The following DMGDH variants were observed in gnomAD, a reference collection of about 807,000 sequenced individuals.
DMGDH encodes the protein dimethylglycine dehydrogenase, also known as dimethylglycine dehydrogenase, mitochondrial.
Under a neutral mutation model 95.2 loss-of-function variants are expected in DMGDH, and 76 were observed. The ratio of observed to expected loss-of-function variants is 0.80; its 90% CI spans 0.66 to 0.97. The LOEUF (loss-of-function observed/expected upper bound fraction) is 0.97, where lower values mean the gene tolerates loss of function less well. Among genes scored for constraint, DMGDH ranks in the 50% least tolerant of loss-of-function variants. The probability of loss-of-function intolerance (pLI) is 0.00; values close to 1 mark genes in which losing one functional copy is unlikely to be tolerated. For missense variants in DMGDH, 987 were observed against 1,055.0 expected (o/e 0.94, Z 0.89); for synonymous variants, 345 against 377.6 (o/e 0.91, Z 1.00).
Position 79,033,297 on chromosome 5 carries a change from C to T in DMGDH, c.1305G>A (p.Trp435Ter). 1.2e-6 allele frequency: 2 copies of T among 1,614,102 alleles called. No individual in the cohort carries two copies. The highest frequency in any genetic ancestry group is 1.7e-6 in the Non-Finnish European group (2 of 1,180,020). The part of the protein sequence containing the change: ...IELDPNRYGK[W>*]TTTQYTEAKA... ...TGGCCTCAGTGTACTGGGTTGTTGT[C>T]CATTTGCCATAGCGATTAGGATCCA... The change falls in exon 8 of 16, where the codon TGG becomes TGA. Residue 435 changes from tryptophan (W) to a stop codon, truncating the protein, a stop_gained. Transcript: ENST00000255189. LOFTEE classifies it high-confidence loss of function.
rs1370795641 is a variant in DMGDH at position 78,997,781 on chromosome 5, A to G, written c.*301T>C. ...TTATAAAATGTCCCTTAATTAGGTT[A>G]TAGTAATGATTGTGTATATTAGCAA... On this transcript the variant is annotated 3_prime_UTR_variant, in exon 16 of 16. Coordinates refer to ENST00000255189, the MANE Select transcript of DMGDH (RefSeq NM_013391.3). 5.9e-5 allele frequency: 21 copies of G among 356,562 alleles called. No individual in the cohort carries two copies. The East Asian group carries it at 1.3e-3, about 22-fold the overall frequency. The allele number at this position is 356,562 out of a possible 1,614,324, so 22.1% of individuals were successfully genotyped here. A position where few individuals can be genotyped will look rare whatever the true frequency, so the allele number is the denominator to read the frequency against.
At chr5:79,066,452 A>ATTTT (rs762509914) in intron 1 of DMGDH, among the ~76,000 whole-genome samples, 11 of 138,988 alleles carry the variant, frequency 7.9e-5, no homozygotes, top group Admixed American at 5.8e-4. Flanking sequence ...CGCCCGGCTA[A>ATTTT]TTTTTTTTTT....
At chr5:79,042,133 A>C (rs1754526092) in intron 7 of DMGDH, 150 bp downstream of exon 7, 1 of 752,324 alleles carries the variant, frequency 1.3e-6, no homozygotes, top group African/African-American at 1.8e-5. Context: ...TTGGTCATGA[A>C]AGGGAGAAAA....
At chr5:79,029,248 G>C (rs1007271260) in intron 11 of DMGDH, among the ~76,000 whole-genome samples, 1 of 152,102 alleles carries the variant, frequency 6.6e-6, no homozygotes, top group Non-Finnish European at 1.5e-5. Context: ...CTATTAAGAT[G>C]GTCCCAGTAC....
At chr5:79,066,850 T>C (rs1755397424) in intron 1 of DMGDH, among the ~76,000 whole-genome samples, 1 of 152,182 alleles carries the variant, frequency 6.6e-6, no homozygotes, top group South Asian at 2.1e-4. Context: ...GTATAAGTAA[T>C]AATGTGAAGT....
chr5:79,007,908 C>T (rs1753579227), intron 14 of DMGDH, among the ~76,000 whole-genome samples: 1 of 152,106 alleles, frequency 6.6e-6, no homozygotes, highest in Non-Finnish European at 1.5e-5. Flanking sequence ...GGGCCCAGTC[C>T]TGAAATTACT....
intron 2 of DMGDH, among the ~76,000 whole-genome samples, chr5:79,057,287 A>G (rs58520599): frequency 0.071 from 10,815 of 152,196 alleles, 846 homozygotes; most frequent in African/African-American, 0.18. Flanking sequence ...GTTCTCTCAA[A>G]TATCTGGGGC....
At chr5:79,061,228 C>T (rs664528) in intron 2 of DMGDH, among the ~76,000 whole-genome samples, 10,893 of 45,020 alleles carry the variant, frequency 0.24, 940 homozygotes, top group East Asian at 0.41. Context: ...CAAACACACA[C>T]ACACACACAC....
intron 14 of DMGDH, among the ~76,000 whole-genome samples, chr5:79,020,278 A>G (rs1753832260): frequency 6.6e-6 from 1 of 152,210 alleles, no homozygotes; most frequent in Admixed American, 6.5e-5. Context: ...AATATTATTT[A>G]AAAGAATCAT....
intron 2 of DMGDH, among the ~76,000 whole-genome samples, chr5:79,058,761 C>CAGG (rs1427859638): frequency 6.6e-6 from 1 of 152,118 alleles, no homozygotes; most frequent in East Asian, 1.9e-4. Context: ...CAAATAAGTA[C>CAGG]AGGAGAATGT....
chr5:79,032,602 A>C, intron 9 of DMGDH, 85 bp downstream of exon 9: 2 of 1,555,182 alleles, frequency 1.3e-6, no homozygotes, highest in African/African-American at 1.4e-5. Flanking sequence ...GGAGCAATGG[A>C]GTGTAAGGCA....
At chr5:79,039,494 C>T (rs911582826) in intron 7 of DMGDH, among the ~76,000 whole-genome samples, 7 of 151,834 alleles carry the variant, frequency 4.6e-5, no homozygotes, top group Non-Finnish European at 1.0e-4. Flanking sequence ...ACTCGTAGGT[C>T]GGAATTGAAC....
In DMGDH at chr5:78,998,146, G is replaced by T. The variant is rs1442355105; in HGVS notation, c.2537C>A (p.Pro846His). 2.0e-5 allele frequency: 33 copies of T among 1,614,038 alleles called. No homozygotes were observed. The highest frequency in any genetic ancestry group is 2.8e-5 in the Non-Finnish European group (33 of 1,180,040). The change falls in exon 16 of 16, where the codon CCT becomes CAT. Residue 846 changes from proline to histidine, a missense_variant. Physicochemically the swap from Pro to His is moderately conservative, Grantham distance 77. Transcript: ENST00000255189. The part of the protein sequence containing the change: ...KNYPAVIIQE[P>H]LVLTEPTRNR... The stretch of plus-strand genomic sequence containing the variant: ...TCTGGTTGGTTCGGTCAATACCAAA[G>T]GTTCTTGTATGATGACTGCTGGGTA...
chr5:79,060,831 T>C (rs919149890), intron 2 of DMGDH, among the ~76,000 whole-genome samples: 3 of 150,504 alleles, frequency 2.0e-5, no homozygotes, highest in Non-Finnish European at 4.4e-5. Flanking sequence ...AGGCAGAGAA[T>C]CACTTGAACC....
At chr5:79,063,592 A>G (rs1408033291) in intron 2 of DMGDH, 21 bp downstream of exon 2, 10 of 1,614,042 alleles carry the variant, frequency 6.2e-6, no homozygotes, top group Non-Finnish European at 8.5e-6. Context: ...CGCTTATGAC[A>G]GTTTGGGGTG....
At position 79,033,328 on chromosome 5, in the gene DMGDH, A is replaced by G. The variant is rs1381775968; in HGVS notation, c.1274T>C (p.Ile425Thr). 1.2e-6 allele frequency: 2 copies of G among 1,614,168 alleles called. No individual in the cohort carries two copies. Among genetic ancestry groups the G allele is most frequent in the Non-Finnish European group, 1.7e-6 (2 of 1,180,026 alleles). ...ILHGEPPFDL[I>T]ELDPNRYGKW... ...GCCATAGCGATTAGGATCCAATTCT[A>G]TCAGATCAAAAGGAGGTTCTCCATG... is the stretch of plus-strand genomic sequence containing the variant. Residue 425 changes from isoleucine to threonine, a missense_variant, in exon 8 of 16, where the codon ATA becomes ACA. By Grantham distance (89) the Ile-to-Thr change is moderately conservative (BLOSUM62 -1). Coordinates refer to ENST00000255189, the MANE Select transcript of DMGDH (RefSeq NM_013391.3).
chr5:79,054,991 G>A (rs1754981390), intron 3 of DMGDH, among the ~76,000 whole-genome samples: 1 of 152,196 alleles, frequency 6.6e-6, no homozygotes, highest in Non-Finnish European at 1.5e-5. Context: ...GCTTTGACTT[G>A]CCTAGCAGGC....
intron 7 of DMGDH, among the ~76,000 whole-genome samples, chr5:79,039,853 G>C (rs1424052253): frequency 1.3e-5 from 2 of 152,054 alleles, no homozygotes; most frequent in Non-Finnish European, 2.9e-5. Flanking sequence ...AAAGACCTAG[G>C]CATGGGGTTC....
At chr5:79,003,677 C>G (rs548076381) in intron 15 of DMGDH, among the ~76,000 whole-genome samples, 1 of 152,286 alleles carries the variant, frequency 6.6e-6, no homozygotes, top group East Asian at 1.9e-4. Context: ...AGGCCAGGGG[C>G]AGTGGCTTAT....
Sources: allele counts gnomAD v4.1 joint callset (sites outside exome capture counted in the v4.1 genomes callset), GRCh38; gene constraint gnomAD v4.1.1; transcripts MANE v1.5; gene names NCBI Gene and HGNC (gene_info 2026-07-23, HGNC 2026-07-21).